TPD52: variants seen among roughly 807,000 people sequenced by gnomAD.
TPD52 encodes the protein prostate and colon associated protein.
TPD52 carries 17 observed loss-of-function variants against 31.3 expected under a neutral mutation model. That is an observed-to-expected ratio of 0.54 (90% CI 0.37 to 0.82). The LOEUF (loss-of-function observed/expected upper bound fraction) is 0.82, where lower values mean the gene tolerates loss of function less well. TPD52 is among the 40% of genes least tolerant of loss of function. The pLI is 0.00. For synonymous variants in TPD52, 83 were observed against 89.6 expected (o/e 0.93, Z 0.42); for missense variants, 212 against 240.1 (o/e 0.88, Z 0.77).
chr8:80,091,325 T>C (rs554705564), intron 1 of TPD52, among the ~76,000 whole-genome samples: 13 of 152,164 alleles, frequency 8.5e-5, no homozygotes, highest in Admixed American at 8.5e-4. Flanking sequence ...AAAAATTAGC[T>C]GGGCGTGGTG....
At chr8:80,105,462 C>A (rs921979649) in intron 1 of TPD52, among the ~76,000 whole-genome samples, 3 of 152,048 alleles carry the variant, frequency 2.0e-5, no homozygotes, top group Admixed American at 1.3e-4. Flanking sequence ...TCATGTACCC[C>A]CTGCTTGCTC....
intron 1 of TPD52, among the ~76,000 whole-genome samples, chr8:80,082,077 G>A (rs1586259548): frequency 1.3e-5 from 2 of 150,980 alleles, no homozygotes; most frequent in East Asian, 1.9e-4. Flanking sequence ...CAAAGTTCTC[G>A]GATTACAGGT....
At chr8:80,160,834 A>G (rs1410599287) in intron 1 of TPD52, among the ~76,000 whole-genome samples, 1 of 145,082 alleles carries the variant, frequency 6.9e-6, no homozygotes, top group Non-Finnish European at 1.5e-5. Flanking sequence ...GCCTGAGCTC[A>G]GGAGTTCGAG....
At chr8:80,048,955 C>A (rs1375958778) in intron 5 of TPD52, among the ~76,000 whole-genome samples, 1 of 151,998 alleles carries the variant, frequency 6.6e-6, no homozygotes, top group East Asian at 1.9e-4. Flanking sequence ...GTGAAAGGAG[C>A]TAGAAAACAG....
chr8:80,131,436 G>A (rs10957963), intron 1 of TPD52, among the ~76,000 whole-genome samples: 65,654 of 151,988 alleles, frequency 0.43, 14,782 homozygotes, highest in East Asian at 0.78. Context: ...TCCCTTTTAA[G>A]TGCTAATCTG....
chr8:80,136,042 T>A (rs1586369312), intron 1 of TPD52, among the ~76,000 whole-genome samples: 1 of 122,192 alleles, frequency 8.2e-6, no homozygotes, highest in Non-Finnish European at 1.7e-5. Flanking sequence ...AGATGACGAG[T>A]TAGTGGGTGC....
intron 2 of TPD52, among the ~76,000 whole-genome samples, chr8:80,059,352 A>T (rs1812246458): frequency 6.6e-6 from 1 of 152,170 alleles, no homozygotes; most frequent in Non-Finnish European, 1.5e-5. Flanking sequence ...ATTAAAAAAA[A>T]TCTCAATAAC....
intron 1 of TPD52, among the ~76,000 whole-genome samples, chr8:80,149,581 CAGA>C (rs1190009773): frequency 6.6e-6 from 1 of 152,146 alleles, no homozygotes; most frequent in Non-Finnish European, 1.5e-5. Context: ...TTGGAGGGCT[CAGA>C]AGAAGACAGG....
chr8:80,086,881 A>AC (rs1815836196), intron 1 of TPD52, among the ~76,000 whole-genome samples: 1 of 33,240 alleles, frequency 3.0e-5, no homozygotes, highest in Non-Finnish European at 5.0e-5. Flanking sequence ...TCTCAACAAA[A>AC]AAAAAAAAAA....
At chr8:80,116,520 A>G (rs1208303918) in intron 1 of TPD52, among the ~76,000 whole-genome samples, 1 of 151,426 alleles carries the variant, frequency 6.6e-6, no homozygotes, top group Non-Finnish European at 1.5e-5. Flanking sequence ...ACCCACATGC[A>G]AAGGCCTACT....
intron 1 of TPD52, among the ~76,000 whole-genome samples, chr8:80,116,761 C>G (rs1369234420): frequency 7.1e-6 from 1 of 141,552 alleles, no homozygotes; most frequent in Non-Finnish European, 1.5e-5. Flanking sequence ...ACTAGCAAAC[C>G]ATTATCTAGG....
intron 5 of TPD52, among the ~76,000 whole-genome samples, chr8:80,046,915 G>C (rs554345785): frequency 5.2e-4 from 79 of 152,116 alleles, no homozygotes; most frequent in Non-Finnish European, 8.5e-4. Flanking sequence ...AAGAGAGGAG[G>C]GGGTAGAGGG....
rs1016192562 is a variant in TPD52, at chr8:80,053,167, G to A, written c.284+115C>T. On this transcript the variant is annotated intron_variant, in intron 3 of 7. Coordinates refer to ENST00000518937, the MANE Select transcript of TPD52 (RefSeq NM_001025253.3). ...AATCAGAAAAAAAGGGTGCCGTGTC[G>A]TCCAAAGAAAAGCTGCTGAAGCATC... is the stretch of plus-strand genomic sequence containing the variant. 3.7e-5 allele frequency: 45 copies of A among 1,208,698 alleles called. 1 individual carries two copies. The highest frequency in any genetic ancestry group is 2.1e-4 in the Middle Eastern group (1 of 4,842). 74.9% of individuals were successfully genotyped at this position (1,208,698 alleles called of 1,614,324 possible).
intron 4 of TPD52, among the ~76,000 whole-genome samples, chr8:80,051,068 A>T (rs1811338017): frequency 6.6e-6 from 1 of 152,118 alleles, no homozygotes; most frequent in African/African-American, 2.4e-5. Flanking sequence ...GTTACAGCTT[A>T]CCAGTTAGAA....
intron 1 of TPD52, among the ~76,000 whole-genome samples, chr8:80,119,649 A>C (rs919758027): frequency 6.6e-6 from 1 of 152,186 alleles, no homozygotes; most frequent in African/African-American, 2.4e-5. Flanking sequence ...GTTCATGTAA[A>C]ATTTGTTTCA....
intron 1 of TPD52, among the ~76,000 whole-genome samples, chr8:80,065,633 T>C (rs1296079026): frequency 2.0e-5 from 3 of 152,066 alleles, no homozygotes. Context: ...AAAAATCAAA[T>C]TCAAAGAACC....
chr8:80,056,979 G>A (rs1340872695), intron 2 of TPD52, among the ~76,000 whole-genome samples: 1 of 152,070 alleles, frequency 6.6e-6, no homozygotes, highest in Non-Finnish European at 1.5e-5. Context: ...GACCAGCCTG[G>A]CTAACATGGT....
At chr8:80,123,576 C>A (rs951421604) in intron 1 of TPD52, among the ~76,000 whole-genome samples, 1 of 152,288 alleles carries the variant, frequency 6.6e-6, no homozygotes, top group East Asian at 1.9e-4. Flanking sequence ...AGAAATACTA[C>A]TAATAATTCC....
intron 1 of TPD52, chr8:80,080,891 A>C: frequency 2.6e-6 from 1 of 390,524 alleles, no homozygotes; most frequent in Non-Finnish European, 3.5e-6. Flanking sequence ...AAATCAGCTG[A>C]CCATGACTAC....
Sources: gnomAD v4.1 joint callset for allele counts (sites outside exome capture counted in the v4.1 genomes callset) on GRCh38, gnomAD v4.1.1 for gene constraint, MANE v1.5 for transcripts, NCBI Gene and HGNC (gene_info 2026-07-23, HGNC 2026-07-21) for gene names.